KIFC3: variants seen among roughly 807,000 people sequenced by gnomAD.
The protein encoded by KIFC3 is kinesin family member C3, also known as kinesin-like protein KIFC3.
KIFC3 carries 60 observed loss-of-function variants against 101.8 expected under a neutral mutation model. That is an observed-to-expected ratio of 0.59 (90% CI 0.48 to 0.73). The LOEUF is 0.73. KIFC3 is among the 30% of genes least tolerant of loss of function. The pLI, the probability that KIFC3 is intolerant of heterozygous loss-of-function variation, is 0.00. For missense variants in KIFC3, 966 were observed against 1,137.1 expected, an observed-to-expected ratio of 0.85 and a Z score of 2.16; for synonymous variants, 476 against 482.7, an observed-to-expected ratio of 0.99 and a Z score of 0.18.
intron 1 of KIFC3, among the ~76,000 whole-genome samples, chr16:57,825,582 C>T (rs1342564132): frequency 3.9e-5 from 6 of 152,340 alleles, no homozygotes; most frequent in Admixed American, 2.6e-4. Context: ...GCCCCACGTT[C>T]AGCCTCAGCT....
At chr16:57,759,256 C>T (rs1464644498) in intron 18 of KIFC3, 103 bp from the exon 19 acceptor site, 4 of 1,372,944 alleles carry the variant, frequency 2.9e-6, no homozygotes, top group Non-Finnish European at 4.0e-6. Context: ...ATGGGCCAGG[C>T]CCTCCCATGA....
At chr16:57,850,940 TCCC>T in intron 1 of KIFC3, among the ~76,000 whole-genome samples, 1 of 18,556 alleles carries the variant, frequency 5.4e-5, no homozygotes, top group East Asian at 3.0e-3. Flanking sequence ...CTTCTTTCCT[TCCC>T]TCCCTCCTTC....
intron 1 of KIFC3, among the ~76,000 whole-genome samples, chr16:57,824,451 G>A (rs1467359274): frequency 2.6e-5 from 4 of 152,252 alleles, no homozygotes; most frequent in Non-Finnish European, 5.9e-5. Flanking sequence ...GGGAGGCCAA[G>A]GCAGGTGGAT....
upstream of KIFC3, among the ~76,000 whole-genome samples, chr16:57,806,482 C>T (rs2054940368): frequency 6.6e-6 from 1 of 152,136 alleles, no homozygotes; most frequent in Non-Finnish European, 1.5e-5. Context: ...CTGTGTATAC[C>T]ATCTGCTCCT....
chr16:57,795,898 T>TTG (rs1330235609), intron 2 of KIFC3, among the ~76,000 whole-genome samples: 4,385 of 144,878 alleles, frequency 0.03, 311 homozygotes, highest in African/African-American at 0.11. Context: ...TTTTTTTTTT[T>TTG]TTTTTTTTTT....
intron 2 of KIFC3, among the ~76,000 whole-genome samples, chr16:57,795,899 T>G (rs1324047268): frequency 3.4e-5 from 5 of 145,952 alleles, no homozygotes; most frequent in Non-Finnish European, 6.0e-5. Flanking sequence ...TTTTTTTTTT[T>G]TTTTTTTTTT....
chr16:57,795,823 C>T (rs572597711), intron 2 of KIFC3, among the ~76,000 whole-genome samples: 62 of 152,118 alleles, frequency 4.1e-4, no homozygotes, highest in African/African-American at 1.5e-3. Flanking sequence ...ATCCCGAGTG[C>T]CAGCCACTGG....
intron 4 of KIFC3, 99 bp from the exon 5 acceptor site, chr16:57,771,785 G>T: frequency 7.2e-7 from 1 of 1,382,110 alleles, no homozygotes. Context: ...GGGAAGAGAG[G>T]AGAGGTGTGG....
chr16:57,808,124 A>G (rs1384976438), upstream of KIFC3, among the ~76,000 whole-genome samples: 1 of 152,040 alleles, frequency 6.6e-6, no homozygotes, highest in African/African-American at 2.4e-5. Flanking sequence ...TTTGGCGGAG[A>G]TTCCCTCCCT....
At chr16:57,771,176 G>A in intron 6 of KIFC3, 22 bp downstream of exon 6, 1 of 1,610,034 alleles carries the variant, frequency 6.2e-7, no homozygotes, top group Non-Finnish European at 8.5e-7. Context: ...CTGAGGCACA[G>A]ATCAGGTGGG....
At chr16:57,857,305 G>A (rs1300887199) in intron 1 of KIFC3, among the ~76,000 whole-genome samples, 1 of 151,868 alleles carries the variant, frequency 6.6e-6, no homozygotes, top group Non-Finnish European at 1.5e-5. Context: ...TCCAAATCTT[G>A]TTCCAGGGCC....
intron 3 of KIFC3, among the ~76,000 whole-genome samples, chr16:57,781,174 C>T (rs1393520675): frequency 1.3e-5 from 2 of 152,104 alleles, no homozygotes; most frequent in East Asian, 3.9e-4. Context: ...AAAAGTGGGC[C>T]AGGTGTGGTG....
intron 1 of KIFC3, among the ~76,000 whole-genome samples, chr16:57,855,757 C>T (rs1596898177): frequency 6.6e-6 from 1 of 151,164 alleles, no homozygotes; most frequent in African/African-American, 2.4e-5. Context: ...ACCAGCCTGG[C>T]CAACATGGCA....
At chr16:57,859,071 C>CA (rs1255601431) in intron 1 of KIFC3, among the ~76,000 whole-genome samples, 2 of 152,138 alleles carry the variant, frequency 1.3e-5, no homozygotes, top group African/African-American at 2.4e-5. Flanking sequence ...GGTTTTATAA[C>CA]AAAAAAGGCA....
Position 57,850,490 on chromosome 16 carries a change from G to C in KIFC3, c.108+12239C>G, listed in dbSNP as rs1237556656. Reference sequence around the variant, plus strand: ...GTTTTTTTTTTTTTTTTTTTTTTTTGAGATGGAGTCTCACTCACTCTTTTG... The same window carrying C: ...GTTTTTTTTTTTTTTTTTTTTTTTTCAGATGGAGTCTCACTCACTCTTTTG... On this transcript the variant is annotated intron_variant, in intron 1 of 2. Coordinates refer to the KIFC3 transcript ENST00000563028. Among the ~76,000 whole-genome samples, 5 of 17,964 alleles carry C rather than the reference G, an allele frequency of 2.8e-4. No individual in the cohort carries two copies. The East Asian group carries it at 7.0e-3, about 25-fold the overall frequency. The allele number at this position is 17,964 out of a possible 152,430, so 11.8% of individuals were successfully genotyped here. A position where few individuals can be genotyped will look rare whatever the true frequency, so the allele number is the denominator to read the frequency against.
At position 57,771,683 on chromosome 16, in the gene KIFC3, C is replaced by G; in HGVS notation, c.385G>C (p.Gly129Arg). 1 of 1,611,104 alleles carries G rather than the reference C, an allele frequency of 6.2e-7. No homozygotes were observed. Among genetic ancestry groups the G allele is most frequent in the South Asian group, 1.1e-5 (1 of 90,636 alleles). The change falls in exon 5 of 20, where the codon GGC becomes CGC. Residue 129 changes from glycine to arginine, a missense_variant. Gly to Arg is a moderately radical substitution (Grantham distance 125). This residue lies in a region of KIFC3 where 277 missense variants were observed against 252.5 expected (regional missense o/e 1.10). Coordinates refer to ENST00000445690, the MANE Select transcript of KIFC3 (RefSeq NM_001130100.2). Reference protein sequence around the residue: ...EVSRLRSELGGTDLEKHRDLL... With the variant: ...EVSRLRSELGRTDLEKHRDLL... The stretch of plus-strand genomic sequence containing the variant: ...TCCCGGTGCTTCTCCAAGTCGGTGC[C>G]CCCCTGCAGAGAGCCAGGGCCGAGG...
chr16:57,769,543 C>T lies in KIFC3; in HGVS notation c.1218+52G>A. 2 of 1,564,760 alleles carry T rather than the reference C, an allele frequency of 1.3e-6. No individual in the cohort carries two copies. The highest frequency in any genetic ancestry group is 1.7e-6 in the Non-Finnish European group (2 of 1,156,326). ...GACGCCCTGAGTGGATGTCGTGCCT[C>T]TCCCAGTGCACCCCCTTAGCCTGGA... On this transcript the variant is annotated intron_variant, in intron 9 of 19. Transcript: ENST00000445690. This position sits in a 1 kb window ranked among gnomAD's most constrained non-coding sequence, Gnocchi z 4.3.
chr16:57,795,294 C>T (rs974559933), intron 2 of KIFC3, among the ~76,000 whole-genome samples, 153 bp from the exon 3 acceptor site: 2 of 152,200 alleles, frequency 1.3e-5, no homozygotes, highest in Admixed American at 6.5e-5. Flanking sequence ...ACCCAAAAAA[C>T]GCCTGCCCTG....
At chr16:57,762,582 GC>G in intron 12 of KIFC3, among the ~76,000 whole-genome samples, 1 of 152,308 alleles carries the variant, frequency 6.6e-6, no homozygotes. Context: ...GCCCTGTGGG[GC>G]CACCTGGGAG....
Sources: allele counts gnomAD v4.1 joint callset (sites outside exome capture counted in the v4.1 genomes callset), GRCh38; gene constraint gnomAD v4.1.1; regional missense constraint gnomAD v4.1.1; non-coding constraint Gnocchi (gnomAD v3.1); transcripts MANE v1.5; gene names NCBI Gene and HGNC (gene_info 2026-07-23, HGNC 2026-07-21).